SHISA9: variants seen among roughly 807,000 people sequenced by gnomAD.
SHISA9 encodes the protein protein shisa-9.
Under a neutral mutation model 38.0 loss-of-function variants are expected in SHISA9, and 13 were observed. That is an observed-to-expected ratio of 0.34 (90% CI 0.22 to 0.54). SHISA9 has a LOEUF of 0.54. Ranked by LOEUF, SHISA9 falls within the 20% of genes least tolerant of loss-of-function variation. The pLI is 0.91. For missense variants in SHISA9, 538 were observed against 575.8 expected (o/e 0.93, Z 0.67); for synonymous variants, 275 against 242.0 (o/e 1.14, Z -1.27).
At chr16:13,200,409 A>AACACACCCACAC (rs2050993340) in intron 2 of SHISA9, among the ~76,000 whole-genome samples, 1 of 136,524 alleles carries the variant, frequency 7.3e-6, no homozygotes, top group Admixed American at 7.3e-5. Flanking sequence ...TATATCATGA[A>AACACACCCACAC]ACACACACAC....
intron 4 of SHISA9, among the ~76,000 whole-genome samples, chr16:13,226,529 T>G (rs1567256487): frequency 6.6e-6 from 1 of 152,250 alleles, no homozygotes; most frequent in East Asian, 1.9e-4. Context: ...ACTCGGCTCC[T>G]TCTCACCTCA....
Position 13,235,337 on chromosome 16 carries a change from A to C in SHISA9, c.1203A>C (p.Gly401=). The change falls in exon 5 of 5, where the codon GGA becomes GGC. Residue 401 remains glycine (G), a synonymous_variant. Coordinates refer to ENST00000558583, the MANE Select transcript of SHISA9 (RefSeq NM_001145204.3). ...AGACAGGCTCCAGCGACCCCTTGGGAACTCGCCCCCAGCACTACCCACCCC... is the reference window on the plus strand; with the variant it reads ...AGACAGGCTCCAGCGACCCCTTGGGCACTCGCCCCCAGCACTACCCACCCC... ...TAETGSSDPL[G]TRPQHYPPPQ... is the part of the protein sequence containing the mutation. The C allele has an allele frequency of 6.5e-7, 1 of 1,546,036 alleles. No homozygotes were observed. Among genetic ancestry groups the C allele is most frequent in the South Asian group, 1.2e-5 (1 of 84,042 alleles).
the SHISA9 span, among the ~76,000 whole-genome samples, chr16:13,367,686 A>G: frequency 7.3e-6 from 1 of 136,748 alleles, no homozygotes; most frequent in South Asian, 2.6e-4. Context: ...TGAAGTGTAC[A>G]CGCGTGTGCG....
chr16:13,030,169 G>C (rs547371440), intron 2 of SHISA9, among the ~76,000 whole-genome samples: 1 of 151,966 alleles, frequency 6.6e-6, no homozygotes, highest in African/African-American at 2.4e-5. Context: ...GTGTATTGGC[G>C]CCATGTCCAC....
chr16:13,267,442 G>A, the SHISA9 span, among the ~76,000 whole-genome samples: 1 of 152,188 alleles, frequency 6.6e-6, no homozygotes, highest in African/African-American at 2.4e-5. Context: ...CACTGCTGGA[G>A]GTAGTGTGAG....
rs1555465949 is a variant in SHISA9, at chr16:13,148,718, C to CACACACACAT, written c.692-54675_692-54674insCACACACATA. ...ACACACACACACACACACACACACA[C>CACACACACAT]ATCATGACTATACCCTGCATATAGA... On this transcript the variant is annotated intron_variant, in intron 2 of 4. Coordinates refer to ENST00000558583, the MANE Select transcript of SHISA9 (RefSeq NM_001145204.3). Among the ~76,000 whole-genome samples, 312 of 150,036 alleles carry CACACACACAT rather than the reference C, an allele frequency of 2.1e-3. 2 individuals carry two copies. The highest frequency in any genetic ancestry group is 6.8e-3 in the Middle Eastern group (2 of 294).
chr16:13,413,169 G>C, the SHISA9 span, among the ~76,000 whole-genome samples: 61 of 152,240 alleles, frequency 4.0e-4, no homozygotes, highest in Admixed American at 4.0e-3. Flanking sequence ...AACAAAAAGA[G>C]ACCCTCATAA....
chr16:13,025,394 C>T (rs375891428), intron 2 of SHISA9, among the ~76,000 whole-genome samples: 10 of 152,192 alleles, frequency 6.6e-5, no homozygotes, highest in Non-Finnish European at 8.8e-5. Flanking sequence ...CATGTGATTC[C>T]GATGATGCTT....
At chr16:13,035,489 G>A (rs990938373) in intron 2 of SHISA9, among the ~76,000 whole-genome samples, 7 of 152,004 alleles carry the variant, frequency 4.6e-5, no homozygotes, top group African/African-American at 1.4e-4. Flanking sequence ...CTTGTGAATT[G>A]CATTATTCTG....
the SHISA9 span, among the ~76,000 whole-genome samples, chr16:13,353,148 G>A: frequency 4.6e-5 from 7 of 152,086 alleles, no homozygotes; most frequent in African/African-American, 4.8e-5. Flanking sequence ...GATTGGGGGC[G>A]GTGTGGGAAC....
intron 2 of SHISA9, among the ~76,000 whole-genome samples, chr16:13,118,210 C>T (rs2141974647): frequency 6.8e-6 from 1 of 147,106 alleles, no homozygotes; most frequent in East Asian, 2.1e-4. Flanking sequence ...AGCTCACAAT[C>T]TAGAGCTGGG....
the SHISA9 span, among the ~76,000 whole-genome samples, chr16:13,327,502 G>A: frequency 6.6e-6 from 1 of 152,054 alleles, no homozygotes; most frequent in African/African-American, 2.4e-5. Flanking sequence ...TGTAATCCCA[G>A]ACACTCGGGA....
chr16:13,296,208 T>A, the SHISA9 span, among the ~76,000 whole-genome samples: 10 of 151,580 alleles, frequency 6.6e-5, no homozygotes, highest in African/African-American at 2.4e-4. Flanking sequence ...AAAAGACTTC[T>A]GCTTTTTTGT....
intron 2 of SHISA9, among the ~76,000 whole-genome samples, chr16:13,026,935 C>T (rs1226946083): frequency 6.6e-6 from 1 of 152,136 alleles, no homozygotes; most frequent in Non-Finnish European, 1.5e-5. Flanking sequence ...TGATCAGAGT[C>T]AACATTTAGG....
At chr16:13,326,580 G>C in the SHISA9 span, among the ~76,000 whole-genome samples, 1 of 152,316 alleles carries the variant, frequency 6.6e-6, no homozygotes, top group African/African-American at 2.4e-5. Context: ...ACTTAGCTGG[G>C]CGTAGTGTCG....
At chr16:13,254,131 A>G in the SHISA9 span, among the ~76,000 whole-genome samples, 1 of 152,144 alleles carries the variant, frequency 6.6e-6, no homozygotes, top group Non-Finnish European at 1.5e-5. Flanking sequence ...TAATACTAAT[A>G]ATTACCATTT....
At chr16:13,226,717 G>A (rs1008231736) in intron 4 of SHISA9, among the ~76,000 whole-genome samples, 1 of 152,206 alleles carries the variant, frequency 6.6e-6, no homozygotes. Flanking sequence ...ATCTGGGTCT[G>A]CTGTTAGGTG....
chr16:13,218,978 G>T (rs559381313), intron 4 of SHISA9, among the ~76,000 whole-genome samples: 2 of 152,198 alleles, frequency 1.3e-5, no homozygotes, highest in Non-Finnish European at 2.9e-5. Flanking sequence ...ATGAGCCGCC[G>T]GGTGCAAAGC....
intron 2 of SHISA9, among the ~76,000 whole-genome samples, chr16:13,137,428 TAGAG>T: frequency 6.6e-6 from 1 of 152,196 alleles, no homozygotes; most frequent in East Asian, 1.9e-4. Context: ...GGAGGCTCGT[TAGAG>T]AGCCCATAAC....
Sources: allele counts gnomAD v4.1 joint callset (sites outside exome capture counted in the v4.1 genomes callset), GRCh38; gene constraint gnomAD v4.1.1; transcripts MANE v1.5; gene names NCBI Gene and HGNC (gene_info 2026-07-23, HGNC 2026-07-21).